The following GABRG3 variants were observed in gnomAD, a reference collection of about 807,000 sequenced individuals.
The protein encoded by GABRG3 is gamma-aminobutyric acid type A receptor subunit gamma3, also known as gamma-aminobutyric acid receptor subunit gamma-3.
A neutral mutation model predicts 48.8 loss-of-function variants in GABRG3; 25 were observed. That is an observed-to-expected ratio of 0.51 (90% confidence interval 0.37 to 0.72). GABRG3 has a LOEUF of 0.72. Ranked by LOEUF, GABRG3 falls within the 30% of genes least tolerant of loss-of-function variation. The pLI is 0.00. For synonymous variants in GABRG3, 227 were observed against 217.6 expected, an observed-to-expected ratio of 1.04 and a Z score of -0.38; for missense variants, 394 against 577.9, an observed-to-expected ratio of 0.68 and a Z score of 3.26.
chr15:27,045,120 G>T (rs777823721), intron 3 of GABRG3, among the ~76,000 whole-genome samples: 1 of 152,160 alleles, frequency 6.6e-6, no homozygotes, highest in Non-Finnish European at 1.5e-5. Flanking sequence ...AAGTCAGAGG[G>T]GTTATTTCAG....
chr15:27,532,305 C>G (rs555636075), intron 9 of GABRG3, among the ~76,000 whole-genome samples: 1 of 151,806 alleles, frequency 6.6e-6, no homozygotes, highest in African/African-American at 2.4e-5. Context: ...GACCAGGGGT[C>G]TCCTCTCTCA....
chr15:27,487,086 C>A (rs998684277), intron 6 of GABRG3, among the ~76,000 whole-genome samples: 12 of 152,224 alleles, frequency 7.9e-5, no homozygotes, highest in African/African-American at 2.4e-4. Context: ...AAAATAGTGT[C>A]AGTATCTTTG....
intron 3 of GABRG3, among the ~76,000 whole-genome samples, chr15:27,100,341 G>A (rs529820434): frequency 9.9e-5 from 15 of 152,054 alleles, no homozygotes; most frequent in African/African-American, 3.4e-4. Context: ...AGTAATTAAT[G>A]TTCCCAAAAA....
At chr15:27,425,183 C>A (rs1469186497) in intron 5 of GABRG3, among the ~76,000 whole-genome samples, 1 of 152,146 alleles carries the variant, frequency 6.6e-6, no homozygotes, top group Non-Finnish European at 1.5e-5. Context: ...GACTGCTGGA[C>A]CCTGCCGTAT....
intron 3 of GABRG3, among the ~76,000 whole-genome samples, chr15:27,257,082 T>G (rs1890643022): frequency 6.6e-6 from 1 of 152,218 alleles, no homozygotes; most frequent in East Asian, 1.9e-4. Flanking sequence ...CCAAGAATTA[T>G]CTTTTGTCAT....
intron 3 of GABRG3, among the ~76,000 whole-genome samples, chr15:27,140,610 G>A (rs568556014): frequency 2.0e-5 from 3 of 151,354 alleles, no homozygotes; most frequent in Non-Finnish European, 4.4e-5. Context: ...TACCTTCTGG[G>A]GAATTTCCCC....
chr15:27,199,415 C>T (rs1888610416), intron 3 of GABRG3, among the ~76,000 whole-genome samples: 1 of 152,124 alleles, frequency 6.6e-6, no homozygotes, highest in African/African-American at 2.4e-5. Context: ...AGGGTGAGGA[C>T]TCTAGCCCAA....
At chr15:27,036,466 C>T (rs541470436) in intron 3 of GABRG3, among the ~76,000 whole-genome samples, 90 of 152,158 alleles carry the variant, frequency 5.9e-4, no homozygotes, top group African/African-American at 2.1e-3. Context: ...CTGAGGCGGG[C>T]GGATCATGAG....
intron 3 of GABRG3, among the ~76,000 whole-genome samples, chr15:27,055,471 A>G (rs1896529932): frequency 6.6e-6 from 1 of 152,228 alleles, no homozygotes; most frequent in Admixed American, 6.5e-5. Context: ...GAAGGCTCCA[A>G]AATCCAAAGC....
intron 5 of GABRG3, among the ~76,000 whole-genome samples, chr15:27,408,442 A>G (rs1411421216): frequency 6.6e-6 from 1 of 152,206 alleles, no homozygotes; most frequent in East Asian, 1.9e-4. Flanking sequence ...CCAGGTCTCA[A>G]AATCCCTCAG....
rs545171021 is a variant in GABRG3, at chr15:27,099,772, T to C, written c.270+72951T>C. ...TGGAAAGATAAGAGAAGTAGAAGAA[T>C]GAGAAACAAAGGGGAGGAAAACACA... is the stretch of plus-strand genomic sequence containing the variant. On this transcript the variant is annotated intron_variant, in intron 3 of 9. Coordinates refer to ENST00000615808, the MANE Select transcript of GABRG3 (RefSeq NM_033223.5). Among the ~76,000 whole-genome samples the C allele has an allele frequency of 6.2e-4, 94 of 151,652 alleles. 1 individual carries two copies. The South Asian group carries it at 0.018, about 29-fold the overall frequency.
chr15:27,338,978 T>TA (rs1894073074), intron 5 of GABRG3, among the ~76,000 whole-genome samples: 1 of 152,174 alleles, frequency 6.6e-6, no homozygotes, highest in Non-Finnish European at 1.5e-5. Context: ...GCCTACTGCC[T>TA]AAGTGCACTA....
chr15:27,322,397 A>G (rs1330211288), intron 3 of GABRG3, among the ~76,000 whole-genome samples: 1 of 152,158 alleles, frequency 6.6e-6, no homozygotes, highest in Admixed American at 6.5e-5. Context: ...GCAAGCCTCC[A>G]CCTCATGGAT....
intron 2 of GABRG3, among the ~76,000 whole-genome samples, chr15:27,026,254 T>C (rs1416344176): frequency 6.6e-6 from 1 of 152,236 alleles, no homozygotes; most frequent in Non-Finnish European, 1.5e-5. Flanking sequence ...TATTGGTGTA[T>C]AGACTCACTA....
intron 5 of GABRG3, among the ~76,000 whole-genome samples, chr15:27,400,603 C>T (rs1255639732): frequency 2.0e-5 from 3 of 152,114 alleles, no homozygotes; most frequent in Non-Finnish European, 2.9e-5. Flanking sequence ...AGAGACCAGT[C>T]CAGAATTTTA....
chr15:26,987,654 G>A (rs1386143239), intron 2 of GABRG3, among the ~76,000 whole-genome samples: 3 of 152,118 alleles, frequency 2.0e-5, no homozygotes, highest in Admixed American at 6.6e-5. Context: ...TTACTGAATC[G>A]GAATAGTTAT....
chr15:27,380,876 C>T (rs1179492010), intron 5 of GABRG3, among the ~76,000 whole-genome samples: 1 of 151,134 alleles, frequency 6.6e-6, no homozygotes, highest in African/African-American at 2.4e-5. Context: ...CGCCATTCTC[C>T]TGCCTCAGCC....
At chr15:26,987,183 G>A (rs1487847414) in intron 2 of GABRG3, among the ~76,000 whole-genome samples, 7 of 150,664 alleles carry the variant, frequency 4.6e-5, no homozygotes, top group Admixed American at 3.9e-4. Context: ...GCGTGAGCCC[G>A]GGAGGCGGAG....
intron 6 of GABRG3, among the ~76,000 whole-genome samples, chr15:27,518,029 C>T (rs1429166867): frequency 6.6e-6 from 1 of 151,912 alleles, no homozygotes. Context: ...GAGACCAATA[C>T]CATCTCCCTG....
Sources: allele counts gnomAD v4.1 joint callset (sites outside exome capture counted in the v4.1 genomes callset), GRCh38; gene constraint gnomAD v4.1.1; transcripts MANE v1.5; gene names NCBI Gene and HGNC (gene_info 2026-07-23, HGNC 2026-07-21).